Variants in SNX29 observed in about 807,000 individuals in gnomAD.
SNX29 encodes sorting nexin-29.
In SNX29, 78 loss-of-function variants were observed where a neutral mutation model predicts 102.1. That is an observed-to-expected ratio of 0.76 (90% confidence interval 0.64 to 0.92). The LOEUF (loss-of-function observed/expected upper bound fraction) is 0.92. SNX29 is among the 40% of genes least tolerant of loss of function. The pLI, the probability that SNX29 is intolerant of heterozygous loss-of-function variation, is 0.00. For synonymous variants in SNX29, 580 were observed against 414.5 expected (o/e 1.40, Z -4.85); for missense variants, 1,280 against 1,061.7 (o/e 1.21, Z -2.86).
chr16:12,217,228 C>T (rs12921827), intron 14 of SNX29, among the ~76,000 whole-genome samples: 10,432 of 152,244 alleles, frequency 0.069, 561 homozygotes, highest in South Asian at 0.29. Flanking sequence ...CGATGTTTCC[C>T]AGGCTGGTCT....
At chr16:12,548,738 G>A (rs1019019305) in intron 20 of SNX29, among the ~76,000 whole-genome samples, 17 of 152,264 alleles carry the variant, frequency 1.1e-4, no homozygotes, top group African/African-American at 4.1e-4. Context: ...AGGGCTCCAA[G>A]GTGTTTTCTG....
Position 12,572,823 on chromosome 16 carries a change from C to T in SNX29, c.*4194C>T. The stretch of plus-strand genomic sequence containing the variant: ...TACATCAGACTGGTTAGGAGGCATC[C>T]CAGAAGGGGCAGCCTCATGCCCAGG... On this transcript the variant is annotated 3_prime_UTR_variant, in exon 21 of 21. Transcript: ENST00000566228. 1 of 1,064,002 alleles carries T rather than the reference C, an allele frequency of 9.4e-7. No homozygotes were observed. Among genetic ancestry groups the T allele is most frequent in the South Asian group, 4.6e-5 (1 of 21,972 alleles). The allele number at this position is 1,064,002 out of a possible 1,614,324, so 65.9% of individuals were successfully genotyped here. A position where few individuals can be genotyped will look rare whatever the true frequency, so the allele number is the denominator to read the frequency against.
At chr16:12,525,708 C>T (rs57709622) in intron 20 of SNX29, among the ~76,000 whole-genome samples, 6,560 of 129,322 alleles carry the variant, frequency 0.051, 186 homozygotes, top group South Asian at 0.13. Context: ...ACCCCCCCCC[C>T]CAAAAAAAAG....
At chr16:12,426,726 C>T (rs1044674864) in intron 18 of SNX29, among the ~76,000 whole-genome samples, 5 of 152,176 alleles carry the variant, frequency 3.3e-5, no homozygotes, top group Admixed American at 2.6e-4. Flanking sequence ...AGTGCAGTGG[C>T]GCGATCTCAG....
chr16:12,145,127 T>A (rs1307379759), intron 13 of SNX29, among the ~76,000 whole-genome samples: 1 of 151,896 alleles, frequency 6.6e-6, no homozygotes, highest in African/African-American at 2.4e-5. Context: ...CAGATTAAGA[T>A]ATACACAAGT....
intron 13 of SNX29, among the ~76,000 whole-genome samples, chr16:12,194,790 C>G (rs1395299714): frequency 2.0e-5 from 3 of 151,920 alleles, no homozygotes; most frequent in Non-Finnish European, 4.4e-5. Context: ...CCAGGCCCAG[C>G]TCATTTTTGT....
intron 18 of SNX29, among the ~76,000 whole-genome samples, chr16:12,457,902 C>T (rs1281994287): frequency 1.3e-5 from 2 of 152,136 alleles, no homozygotes; most frequent in African/African-American, 4.8e-5. Context: ...AAAGAGGGTT[C>T]CTCGTGATGA....
intron 14 of SNX29, among the ~76,000 whole-genome samples, chr16:12,221,457 A>G (rs1352392853): frequency 6.6e-6 from 1 of 152,176 alleles, no homozygotes; most frequent in African/African-American, 2.4e-5. Flanking sequence ...TCTACTAAAA[A>G]TACAAAATTA....
chr16:12,005,640 AGAGGCAATCCTGCTCT>A (rs1287295988), intron 3 of SNX29, among the ~76,000 whole-genome samples: 2 of 152,158 alleles, frequency 1.3e-5, no homozygotes, highest in African/African-American at 4.8e-5. Context: ...ACTTCCTGAG[AGAGGCAATCCTGCTCT>A]GAATGTTGGG....
At chr16:12,221,207 G>A (rs957567014) in intron 14 of SNX29, among the ~76,000 whole-genome samples, 3 of 151,828 alleles carry the variant, frequency 2.0e-5, no homozygotes, top group Non-Finnish European at 2.9e-5. Context: ...GCACTGATAC[G>A]CAGCAGGCTG....
intron 4 of SNX29, among the ~76,000 whole-genome samples, chr16:12,036,692 G>A (rs1464670644): frequency 6.6e-6 from 1 of 152,062 alleles, no homozygotes; most frequent in East Asian, 1.9e-4. Context: ...TTTGTTTTGG[G>A]GCAGTGTTGT....
intron 3 of SNX29, among the ~76,000 whole-genome samples, chr16:12,017,570 C>A (rs950180830): frequency 6.6e-6 from 1 of 152,118 alleles, no homozygotes. Context: ...ATTCTGTGAA[C>A]CTTAAAATGT....
chr16:12,514,050 G>A (rs548224106), intron 19 of SNX29, among the ~76,000 whole-genome samples: 8 of 152,196 alleles, frequency 5.3e-5, no homozygotes, highest in South Asian at 2.1e-4. Flanking sequence ...CGTGGATTGC[G>A]GCTTGCTCCC....
At chr16:12,313,591 A>G (rs1186228225) in intron 15 of SNX29, among the ~76,000 whole-genome samples, 3 of 152,182 alleles carry the variant, frequency 2.0e-5, no homozygotes, top group Admixed American at 2.0e-4. Context: ...CCCTTGCAGC[A>G]TCGTCCCAGC....
chr16:12,563,581 C>CTT (rs1257001300), intron 20 of SNX29, among the ~76,000 whole-genome samples: 1 of 148,508 alleles, frequency 6.7e-6, no homozygotes, highest in African/African-American at 2.4e-5. Context: ...TGGGTGGTGG[C>CTT]TTAGGCCTCC....
At chr16:12,056,351 C>G (rs189299349) in intron 8 of SNX29, among the ~76,000 whole-genome samples, 1 of 152,312 alleles carries the variant, frequency 6.6e-6, no homozygotes, top group African/African-American at 2.4e-5. Flanking sequence ...CCCTCTGAAG[C>G]CAGAGGGCCT....
intron 20 of SNX29, among the ~76,000 whole-genome samples, chr16:12,529,889 T>A (rs2076885874): frequency 6.6e-6 from 1 of 152,174 alleles, no homozygotes; most frequent in South Asian, 2.1e-4. Flanking sequence ...TCCCTTGTTT[T>A]GTGGACTGGC....
intron 15 of SNX29, among the ~76,000 whole-genome samples, chr16:12,345,035 C>T (rs1567460131): frequency 6.6e-6 from 1 of 152,252 alleles, no homozygotes; most frequent in African/African-American, 2.4e-5. Context: ...GGAAAGAGGC[C>T]TCTGCCCCTT....
intron 1 of SNX29, among the ~76,000 whole-genome samples, chr16:11,991,978 A>T (rs1220517971): frequency 6.6e-6 from 1 of 152,056 alleles, no homozygotes; most frequent in Non-Finnish European, 1.5e-5. Flanking sequence ...CTCAGCCAAC[A>T]TCTACCTGTT....
Sources: gnomAD v4.1 joint callset for allele counts (sites outside exome capture counted in the v4.1 genomes callset) on GRCh38, gnomAD v4.1.1 for gene constraint, MANE v1.5 for transcripts, NCBI Gene and HGNC (gene_info 2026-07-23, HGNC 2026-07-21) for gene names.